GABRA4: variants seen among roughly 807,000 people sequenced by gnomAD.
The protein encoded by GABRA4 is gamma-aminobutyric acid type A receptor subunit alpha4, also known as gamma-aminobutyric acid receptor subunit alpha-4.
GABRA4 carries 12 observed loss-of-function variants against 49.7 expected under a neutral mutation model. The ratio of observed to expected loss-of-function variants is 0.24; its 90% confidence interval spans 0.15 to 0.39. The LOEUF (loss-of-function observed/expected upper bound fraction) is 0.39. Ranked by LOEUF, GABRA4 falls within the 10% of genes least tolerant of loss-of-function variation. The pLI is 1.00. For missense variants in GABRA4, 506 were observed against 686.0 expected, an observed-to-expected ratio of 0.74 and a Z score of 2.93; for synonymous variants, 288 against 240.2, an observed-to-expected ratio of 1.20 and a Z score of -1.84.
chr4:46,954,462 C>A (rs188549965), intron 8 of GABRA4, among the ~76,000 whole-genome samples: 336 of 150,408 alleles, frequency 2.2e-3, no homozygotes, highest in Middle Eastern at 7.0e-3. Flanking sequence ...GAGGCTGAGG[C>A]AGAAGAATCA....
chr4:46,958,466 C>T (rs759220993), intron 8 of GABRA4, among the ~76,000 whole-genome samples: 6 of 151,624 alleles, frequency 4.0e-5, no homozygotes, highest in Non-Finnish European at 8.8e-5. Context: ...ATTTTTTGTT[C>T]TATAGTTGTT....
At chr4:46,934,262 T>A (rs910884219) in intron 8 of GABRA4, among the ~76,000 whole-genome samples, 2 of 152,152 alleles carry the variant, frequency 1.3e-5, no homozygotes, top group Non-Finnish European at 2.9e-5. Flanking sequence ...TTATTCAAGA[T>A]CATTTGGACA....
intron 8 of GABRA4, among the ~76,000 whole-genome samples, chr4:46,932,083 C>T (rs1244730382): frequency 2.4e-4 from 36 of 151,956 alleles, no homozygotes; most frequent in Non-Finnish European, 4.4e-5. Context: ...GCCAAGGGCT[C>T]GTGAGGGCGG....
At chr4:46,936,761 G>A (rs1431273084) in intron 8 of GABRA4, among the ~76,000 whole-genome samples, 1 of 152,146 alleles carries the variant, frequency 6.6e-6, no homozygotes, top group Non-Finnish European at 1.5e-5. Flanking sequence ...AAATATATTG[G>A]AATATTTAAA....
At chr4:46,966,298 TA>T (rs955673827) in intron 7 of GABRA4, among the ~76,000 whole-genome samples, 2 of 151,704 alleles carry the variant, frequency 1.3e-5, no homozygotes, top group Non-Finnish European at 2.9e-5. Flanking sequence ...GTGATGATGA[TA>T]ATAATAGAAC....
Position 46,919,891 on chromosome 4 carries a change from C to T in GABRA4, c.*8334G>A, listed in dbSNP as rs999035610. The T allele has an allele frequency of 5.3e-5, 8 of 151,560 alleles. No homozygotes were observed. The highest frequency in any genetic ancestry group is 1.7e-4 in the African/African-American group (7 of 41,364). 9.4% of individuals were successfully genotyped at this position (151,560 alleles called of 1,614,324 possible). A position where few individuals can be genotyped will look rare whatever the true frequency, so the allele number is the denominator to read the frequency against. ...CATAGATACACCTTTGCATGAAAACCGGATTCTCATTCAATTTACAATGAA... is the reference window on the plus strand; with the variant it reads ...CATAGATACACCTTTGCATGAAAACTGGATTCTCATTCAATTTACAATGAA... On this transcript the variant is annotated 3_prime_UTR_variant, in exon 9 of 9. Coordinates refer to ENST00000264318, the MANE Select transcript of GABRA4 (RefSeq NM_000809.4).
chr4:46,969,529 A>T (rs375199871), intron 7 of GABRA4, among the ~76,000 whole-genome samples: 2 of 151,534 alleles, frequency 1.3e-5, no homozygotes, highest in Non-Finnish European at 3.0e-5. Flanking sequence ...ATAGTACAAC[A>T]CTAGAAAGTT....
intron 8 of GABRA4, among the ~76,000 whole-genome samples, chr4:46,958,922 A>T (rs1722463696): frequency 6.6e-6 from 1 of 151,984 alleles, no homozygotes; most frequent in African/African-American, 2.4e-5. Flanking sequence ...TGAGGAGTTC[A>T]AACACATTTT....
At chr4:46,949,764 G>A (rs13140528) in intron 8 of GABRA4, among the ~76,000 whole-genome samples, 36,174 of 151,960 alleles carry the variant, frequency 0.24, 4,497 homozygotes, top group East Asian at 0.29. Flanking sequence ...ATTGAATTTT[G>A]AAATATGAAT....
At chr4:46,985,106 A>T (rs142690773) in intron 2 of GABRA4, among the ~76,000 whole-genome samples, 3 of 152,186 alleles carry the variant, frequency 2.0e-5, no homozygotes, top group Admixed American at 2.0e-4. Flanking sequence ...ATCTATTGCA[A>T]TATGCAACAA....
chr4:46,982,087 A>T (rs989541124), intron 2 of GABRA4, among the ~76,000 whole-genome samples: 1 of 152,138 alleles, frequency 6.6e-6, no homozygotes, highest in African/African-American at 2.4e-5. Flanking sequence ...AAAAAGTGGC[A>T]TCTTTTAAGC....
intron 2 of GABRA4, among the ~76,000 whole-genome samples, chr4:46,987,228 TC>T (rs11330945): frequency 0.11 from 16,110 of 152,084 alleles, 929 homozygotes; most frequent in South Asian, 0.19. Flanking sequence ...GACCCTGACT[TC>T]CCCACTTTAC....
At position 46,971,191 on chromosome 4, in the gene GABRA4, T is replaced by A. The variant is rs1004938155; in HGVS notation, c.766A>T (p.Met256Leu). 11 of 1,609,548 alleles carry A rather than the reference T, an allele frequency of 6.8e-6. No individual in the cohort carries two copies. The highest frequency in any genetic ancestry group is 9.3e-6 in the Non-Finnish European group (11 of 1,176,938). ...MTVYFHLRRK[M>L]GYFMIQTYIP... Reference sequence around the variant, plus strand: ...TAGGTCTGAATCATAAAATAACCCATCTTCCGTCTGAGGTGGAAGTAAACC... The same window carrying A: ...TAGGTCTGAATCATAAAATAACCCAACTTCCGTCTGAGGTGGAAGTAAACC... Residue 256 changes from methionine (M) to leucine (L), a missense_variant, in exon 7 of 9, where the codon ATG becomes TTG. Transcript: ENST00000264318.
rs1722141999 is a variant in GABRA4 at position 46,950,729 on chromosome 4, A to AATTAATTAATTAATT, written c.1134+14240_1134+14241insAATTAATTAATTAAT. Among the ~76,000 whole-genome samples, 3 of 134,002 alleles carry AATTAATTAATTAATT rather than the reference A, an allele frequency of 2.2e-5. No individual in the cohort carries two copies. In the South Asian group the frequency reaches 8.4e-4, roughly 38 times the overall value. 87.9% of individuals were successfully genotyped at this position (134,002 alleles called of 152,430 possible). On this transcript the variant is annotated intron_variant, in intron 8 of 8. Coordinates refer to ENST00000264318, the MANE Select transcript of GABRA4 (RefSeq NM_000809.4). ...ATATTCTCTAAGAAAATAAATAAATAAATAAATAAATAAATAAATTACTAT... is the reference window on the plus strand; with the variant it reads ...ATATTCTCTAAGAAAATAAATAAATAATTAATTAATTAATTAATAAATAAATAAATAAATTACTAT...
intron 3 of GABRA4, 44 bp from the exon 4 acceptor site, chr4:46,977,674 C>A (rs1444130986): frequency 2.3e-6 from 3 of 1,311,294 alleles, no homozygotes; most frequent in Admixed American, 2.0e-5. Context: ...CAAATGACTA[C>A]ACATAAGTAT....
At chr4:46,958,709 A>G (rs983698017) in intron 8 of GABRA4, among the ~76,000 whole-genome samples, 11 of 151,840 alleles carry the variant, frequency 7.2e-5, no homozygotes, top group African/African-American at 2.7e-4. Flanking sequence ...GATTCCACCA[A>G]TTGGACTTTT....
At chr4:46,959,859 TGTGTGA>T (rs1329416424) in intron 8 of GABRA4, among the ~76,000 whole-genome samples, 1 of 150,134 alleles carries the variant, frequency 6.7e-6, no homozygotes, top group Non-Finnish European at 1.5e-5. Context: ...TGTATGTGTG[TGTGTGA>T]GTGTGTCTCC....
rs1334842150 is a variant in GABRA4 at position 46,925,353 on chromosome 4, T to A, written c.*2872A>T. On this transcript the variant is annotated 3_prime_UTR_variant, in exon 9 of 9. Transcript: ENST00000264318. ...CATTTTAAAATGTGGATTAATCATG[T>A]AAATATATGTTTATACCTAGTCATG... 1 of 151,994 alleles carries A rather than the reference T, an allele frequency of 6.6e-6. No homozygotes were observed. Among genetic ancestry groups the A allele is most frequent in the Non-Finnish European group, 1.5e-5 (1 of 67,900 alleles). The allele number at this position is 151,994 out of a possible 1,614,324, so 9.4% of individuals were successfully genotyped here. A position where few individuals can be genotyped will look rare whatever the true frequency, so the allele number is the denominator to read the frequency against.
chr4:46,977,131 A>G lies in GABRA4; in HGVS notation c.507T>C (p.Ser169=). 1 of 1,604,612 alleles carries G rather than the reference A, an allele frequency of 6.2e-7. No individual in the cohort carries two copies. The highest frequency in any genetic ancestry group is 1.3e-5 in the African/African-American group (1 of 74,688). ...CCACCAATCTCATGGGACACTCCGC[A>G]CTTATGGTGAGTCTATGATGAAAAA... ...TILYTMRLTI[S]AECPMRLVDF... Residue 169 remains serine, a synonymous_variant, in exon 5 of 9, where the codon AGT becomes AGC. Transcript: ENST00000264318.
Sources: allele counts gnomAD v4.1 joint callset (sites outside exome capture counted in the v4.1 genomes callset), GRCh38; gene constraint gnomAD v4.1.1; transcripts MANE v1.5; gene names NCBI Gene and HGNC (gene_info 2026-07-23, HGNC 2026-07-21).